The following AVEN variants were observed in gnomAD, a reference collection of about 807,000 sequenced individuals.
AVEN encodes apoptosis and caspase activation inhibitor.
AVEN carries 41 observed loss-of-function variants against 38.1 expected under a neutral mutation model. The observed-to-expected ratio is 1.08, with a 90% CI of 0.84 to 1.40. AVEN has a LOEUF of 1.40. Among genes scored for constraint, AVEN ranks in the 40% most tolerant of loss-of-function variants. The probability of loss-of-function intolerance (pLI) is 0.00; values close to 1 mark genes in which losing one functional copy is unlikely to be tolerated. For synonymous variants in AVEN, 206 were observed against 171.8 expected (o/e 1.20, Z -1.56); for missense variants, 605 against 438.8 (o/e 1.38, Z -3.38).
chr15:33,853,404 G>A, the AVEN span: 1 of 1,041,136 alleles, frequency 9.6e-7, no homozygotes. Flanking sequence ...TTTTTTCTCT[G>A]GGTTTTCTCT....
In AVEN at chr15:33,867,632, C is replaced by T. The variant is rs376295844; in HGVS notation, c.836G>A (p.Gly279Glu). Residue 279 changes from glycine (G) to glutamate (E), a missense_variant, in exon 5 of 6, where the codon GGA (glycine) becomes GAA (glutamate). Coordinates refer to ENST00000306730, the MANE Select transcript of AVEN (RefSeq NM_020371.3). ...QKPTSPLQSA[G>E]DHLEEELDLL... is the part of the protein sequence containing the mutation. ...ATCTAGTTCTTCTTCCAAATGGTCT[C>T]CTGCTGACTGCAGTGGGGAAGTGGG... is the stretch of plus-strand genomic sequence containing the variant. 1.9e-6 allele frequency: 3 copies of T among 1,614,186 alleles called. No individual in the cohort carries two copies. Among genetic ancestry groups the T allele is most frequent in the Non-Finnish European group, 2.5e-6 (3 of 1,180,032 alleles).
intron 2 of AVEN, among the ~76,000 whole-genome samples, chr15:33,951,509 T>C (rs1894748070): frequency 6.7e-6 from 1 of 150,070 alleles, no homozygotes; most frequent in South Asian, 2.1e-4. Context: ...CATGTATACA[T>C]ATGTAACAAA....
chr15:33,946,866 G>A (rs1894529048), intron 2 of AVEN, among the ~76,000 whole-genome samples: 1 of 152,166 alleles, frequency 6.6e-6, no homozygotes, highest in African/African-American at 2.4e-5. Context: ...CACAGGAGGA[G>A]CAATCTGAGC....
chr15:34,052,457 T>C (rs543010338), intron 5 of AVEN, among the ~76,000 whole-genome samples: 9 of 152,252 alleles, frequency 5.9e-5, no homozygotes, highest in Admixed American at 3.3e-4. Context: ...TACTCTGTCT[T>C]ACCACTCCTA....
intron 5 of AVEN, among the ~76,000 whole-genome samples, chr15:34,044,486 TG>T (rs1899610828): frequency 6.6e-6 from 1 of 152,252 alleles, no homozygotes; most frequent in Non-Finnish European, 1.5e-5. Flanking sequence ...GGGGAAGACT[TG>T]GGCAACAGTC....
chr15:34,068,900 C>G (rs1265049585), intron 2 of AVEN, among the ~76,000 whole-genome samples: 2 of 151,736 alleles, frequency 1.3e-5, no homozygotes, highest in Non-Finnish European at 2.9e-5. Context: ...CAAGGTCCGC[C>G]TCCCGGGTTC....
At chr15:33,915,112 T>G (rs1597225791) in intron 2 of AVEN, among the ~76,000 whole-genome samples, 1 of 152,108 alleles carries the variant, frequency 6.6e-6, no homozygotes, top group African/African-American at 2.4e-5. Flanking sequence ...ATTTGATATG[T>G]GTTTTAAGTA....
At chr15:33,926,666 T>G (rs555460771) in intron 2 of AVEN, among the ~76,000 whole-genome samples, 1 of 152,138 alleles carries the variant, frequency 6.6e-6, no homozygotes, top group East Asian at 1.9e-4. Flanking sequence ...TTAGAAATTA[T>G]TATTATTATT....
At chr15:33,857,034 C>T (rs748356567), downstream of AVEN, among the ~76,000 whole-genome samples, 1 of 152,146 alleles carries the variant, frequency 6.6e-6, no homozygotes, top group East Asian at 1.9e-4. Flanking sequence ...TCTGTATGAA[C>T]AATAACAAAA....
downstream of AVEN, chr15:33,855,073 T>C (rs1325883811): frequency 8.6e-6 from 5 of 579,360 alleles, no homozygotes; most frequent in Non-Finnish European, 1.3e-5. Flanking sequence ...TTTTGCAAAA[T>C]TGTAGCCAAT....
At chr15:34,038,612 CCACCAGGCGCG>C (rs919630258) in intron 1 of AVEN, among the ~76,000 whole-genome samples, 157 bp downstream of exon 1, 1 of 6,490 alleles carries the variant, frequency 1.5e-4, no homozygotes, top group African/African-American at 2.2e-4. Context: ...CGCGCCCCCG[CCACCAGGCGCG>C]CCCCCGCGCC....
rs1567483217 is a variant in AVEN, at chr15:34,038,876, C to A, written c.171G>T (p.Arg57=). ...GGGRRGRGRG[R]GFRGARGGRG... ...GGCCTCCGCGAGCGCCGCGGAAGCC[C>A]CGGCCACGGCCACGGCCCCGGCGTC... Residue 57 remains arginine (R), a synonymous_variant, in exon 1 of 6, where the codon CGG becomes CGT. Coordinates refer to ENST00000306730, the MANE Select transcript of AVEN (RefSeq NM_020371.3). 1.7e-6 allele frequency: 2 copies of A among 1,145,332 alleles called. No homozygotes were observed. Among genetic ancestry groups the A allele is most frequent in the African/African-American group, 1.7e-5 (1 of 60,166 alleles). The allele number at this position is 1,145,332 out of a possible 1,614,324, so 70.9% of individuals were successfully genotyped here.
intron 2 of AVEN, among the ~76,000 whole-genome samples, chr15:33,924,368 A>G (rs1023855152): frequency 7.3e-6 from 1 of 137,138 alleles, no homozygotes; most frequent in Admixed American, 7.2e-5. Context: ...AGACTGTCTC[A>G]AAAAAAAAAA....
chr15:33,875,559 A>AT (rs1891186556), intron 3 of AVEN, among the ~76,000 whole-genome samples: 1 of 152,216 alleles, frequency 6.6e-6, no homozygotes, highest in Non-Finnish European at 1.5e-5. Context: ...CCTAACACCA[A>AT]AAACAGTGAG....
chr15:34,039,095 A>C lies in AVEN; in HGVS notation c.-49T>G. The C allele has an allele frequency of 1.9e-6, 2 of 1,068,776 alleles. No individual in the cohort carries two copies. Among genetic ancestry groups the C allele is most frequent in the Non-Finnish European group, 2.3e-6 (2 of 884,446 alleles). The allele number at this position is 1,068,776 out of a possible 1,614,324, so 66.2% of individuals were successfully genotyped here. On this transcript the variant is annotated 5_prime_UTR_variant, in exon 1 of 6. Transcript: ENST00000306730. ...GCGCGCGGGAGCCGAGCTGCGGCGG[A>C]GACGCCCTGGCCCCACCGGAAGCGG...
chr15:34,069,385 G>C (rs1231783743), intron 2 of AVEN, among the ~76,000 whole-genome samples: 1 of 152,136 alleles, frequency 6.6e-6, no homozygotes, highest in Admixed American at 6.5e-5. Flanking sequence ...CTGGGAGGCG[G>C]AGGTTGAAGT....
Position 33,897,700 on chromosome 15 carries a change from C to T in AVEN, c.446-21705G>A, listed in dbSNP as rs577470447. Among the ~76,000 whole-genome samples, 28 of 151,604 alleles carry T rather than the reference C, an allele frequency of 1.8e-4. No homozygotes were observed. The South Asian group carries it at 3.5e-3, about 19-fold the overall frequency. ...CAAGACCAGTCTGGGCAACATAAGA[C>T]GACCTTATCTCTACTAAAAATCAAA... On this transcript the variant is annotated intron_variant, in intron 2 of 5. Coordinates refer to ENST00000306730, the MANE Select transcript of AVEN (RefSeq NM_020371.3).
At chr15:33,865,295 G>GTTCTGCAACATATCTGAAATGTGACATT, downstream of AVEN, 1 of 1,046,876 alleles carries the variant, frequency 9.6e-7, no homozygotes, top group Non-Finnish European at 1.4e-6. Context: ...CCTTTTTACA[G>GTTCTGCAACATATCTGAAATGTGACATT]TTCTGCAACA....
At chr15:33,855,226 C>G (rs1030350291), downstream of AVEN, among the ~76,000 whole-genome samples, 2 of 151,058 alleles carry the variant, frequency 1.3e-5, no homozygotes, top group African/African-American at 2.4e-5. Context: ...GTGACGGTGT[C>G]TCGCTGTGTA....
Sources: gnomAD v4.1 joint callset for allele counts (sites outside exome capture counted in the v4.1 genomes callset) on GRCh38, gnomAD v4.1.1 for gene constraint, MANE v1.5 for transcripts, NCBI Gene and HGNC (gene_info 2026-07-23, HGNC 2026-07-21) for gene names.